The following CNTN6 variants were observed in gnomAD, a reference collection of about 807,000 sequenced individuals.
CNTN6 encodes the protein contactin 6.
A neutral mutation model predicts 122.8 loss-of-function variants in CNTN6; 137 were observed. That is an observed-to-expected ratio of 1.12 (90% CI 0.97 to 1.29). The LOEUF is 1.29. CNTN6 is among the 50% of genes most tolerant of loss of function. CNTN6 has a pLI of 0.00. For synonymous variants in CNTN6, 570 were observed against 426.0 expected (o/e 1.34, Z -4.16); for missense variants, 1,634 against 1,223.4 (o/e 1.34, Z -5.01).
chr3:1,247,096 G>A (rs561854363), intron 4 of CNTN6, among the ~76,000 whole-genome samples: 2 of 151,998 alleles, frequency 1.3e-5, no homozygotes, highest in Admixed American at 6.6e-5. Flanking sequence ...CCTTCCTTGC[G>A]ATCATATTTT....
chr3:1,210,475 TTAAG>T (rs1263096899), intron 2 of CNTN6, among the ~76,000 whole-genome samples: 2 of 151,924 alleles, frequency 1.3e-5, no homozygotes, highest in Non-Finnish European at 2.9e-5. Context: ...AAGAAAGATA[TTAAG>T]TGAGTTTAGT....
intron 2 of CNTN6, among the ~76,000 whole-genome samples, chr3:1,219,165 C>A (rs2094170434): frequency 6.6e-6 from 1 of 152,126 alleles, no homozygotes; most frequent in African/African-American, 2.4e-5. Context: ...AAATCCCTAG[C>A]CACAAAACAC....
At chr3:1,188,801 G>A (rs2093662431) in intron 2 of CNTN6, among the ~76,000 whole-genome samples, 1 of 152,204 alleles carries the variant, frequency 6.6e-6, no homozygotes, top group Non-Finnish European at 1.5e-5. Flanking sequence ...AATATGATAT[G>A]AAATTGTTAC....
chr3:1,376,261 A>G (rs1159690202), intron 16 of CNTN6, among the ~76,000 whole-genome samples: 1 of 152,122 alleles, frequency 6.6e-6, no homozygotes, highest in African/African-American at 2.4e-5. Context: ...CCTCAGTTTT[A>G]CAGTTTCTAT....
intron 1 of CNTN6, among the ~76,000 whole-genome samples, chr3:1,106,345 C>T (rs2124993067): frequency 6.6e-6 from 1 of 152,158 alleles, no homozygotes; most frequent in East Asian, 1.9e-4. Context: ...CTTGCATTTA[C>T]GTTGCCATAA....
intron 12 of CNTN6, among the ~76,000 whole-genome samples, chr3:1,371,773 C>T (rs1316740361): frequency 1.3e-5 from 2 of 152,116 alleles, no homozygotes; most frequent in African/African-American, 4.8e-5. Context: ...ATTCATGTTG[C>T]ATCTTTAACA....
intron 3 of CNTN6, 41 bp from the exon 4 acceptor site, chr3:1,227,777 C>T: frequency 1.9e-6 from 3 of 1,588,076 alleles, no homozygotes; most frequent in Non-Finnish European, 2.6e-6. Context: ...GATTGATTGA[C>T]TCTGTATATT....
chr3:1,095,250 A>G (rs894188638), intron 1 of CNTN6, among the ~76,000 whole-genome samples: 64 of 152,194 alleles, frequency 4.2e-4, no homozygotes, highest in African/African-American at 1.4e-3. Context: ...AGGCGGGCGG[A>G]TCACGAGGTC....
intron 6 of CNTN6, among the ~76,000 whole-genome samples, chr3:1,296,393 T>C (rs901431879): frequency 1.3e-5 from 2 of 152,178 alleles, no homozygotes; most frequent in Admixed American, 6.5e-5. Flanking sequence ...TGACGAGCTT[T>C]GTAGCTTAGT....
intron 12 of CNTN6, among the ~76,000 whole-genome samples, chr3:1,362,368 T>C (rs184387207): frequency 1.2e-4 from 18 of 152,206 alleles, no homozygotes; most frequent in African/African-American, 3.8e-4. Flanking sequence ...GATAGAAATA[T>C]TGAAGTTCTC....
At chr3:1,186,797 G>A (rs1421745112) in intron 2 of CNTN6, among the ~76,000 whole-genome samples, 3 of 151,300 alleles carry the variant, frequency 2.0e-5, no homozygotes, top group Non-Finnish European at 4.4e-5. Context: ...AAGTCGCTTG[G>A]TCCCATTCTT....
intron 2 of CNTN6, among the ~76,000 whole-genome samples, chr3:1,211,592 G>A (rs1309969058): frequency 1.3e-5 from 2 of 151,992 alleles, no homozygotes; most frequent in African/African-American, 2.4e-5. Flanking sequence ...AAAATTCAGG[G>A]AATAAAGCCT....
At chr3:1,249,529 C>T (rs968258182) in intron 4 of CNTN6, among the ~76,000 whole-genome samples, 1 of 152,186 alleles carries the variant, frequency 6.6e-6, no homozygotes, top group African/African-American at 2.4e-5. Context: ...TACTATCCTC[C>T]TAGGCAGTGT....
At chr3:1,393,446 T>C (rs1174022019) in intron 20 of CNTN6, among the ~76,000 whole-genome samples, 1 of 138,174 alleles carries the variant, frequency 7.2e-6, no homozygotes, top group Non-Finnish European at 1.5e-5. Flanking sequence ...TTGGGAGATA[T>C]ACCTAATGCT....
chr3:1,400,818 G>A (rs946175526), intron 20 of CNTN6, among the ~76,000 whole-genome samples: 3 of 152,110 alleles, frequency 2.0e-5, no homozygotes, highest in African/African-American at 7.2e-5. Flanking sequence ...CTGGCAAGAT[G>A]AGTATACAGC....
intron 4 of CNTN6, among the ~76,000 whole-genome samples, chr3:1,264,261 C>T (rs748191732): frequency 5.3e-5 from 8 of 152,108 alleles, no homozygotes; most frequent in South Asian, 2.1e-4. Context: ...TGTGGAAAGG[C>T]GCTGATACAA....
Position 1,153,620 on chromosome 3 carries a change from T to G in CNTN6, c.55+5557T>G, listed in dbSNP as rs1478898360. On this transcript the variant is annotated intron_variant, in intron 2 of 22. Coordinates refer to ENST00000446702, the MANE Select transcript of CNTN6 (RefSeq NM_001289080.2). ...ATCTGGGAGAAACTGTCACTCTTTC[T>G]AAATACTCACAGTCAGGCACCTAGG... Among the ~76,000 whole-genome samples the G allele has an allele frequency of 6.6e-5, 10 of 152,186 alleles. No individual in the cohort carries two copies. The South Asian group carries it at 8.3e-4, about 13-fold the overall frequency.
At chr3:1,293,637 G>T (rs950528080) in intron 5 of CNTN6, among the ~76,000 whole-genome samples, 1 of 152,036 alleles carries the variant, frequency 6.6e-6, no homozygotes, top group African/African-American at 2.4e-5. Flanking sequence ...TGGACAAGAG[G>T]CTCCAAGATG....
intron 11 of CNTN6, among the ~76,000 whole-genome samples, chr3:1,337,032 T>C (rs1703173709): frequency 6.6e-6 from 1 of 152,172 alleles, no homozygotes; most frequent in African/African-American, 2.4e-5. Flanking sequence ...ACTGGATCTT[T>C]CTTTTCTTCA....
Sources: allele counts gnomAD v4.1 joint callset (sites outside exome capture counted in the v4.1 genomes callset), GRCh38; gene constraint gnomAD v4.1.1; transcripts MANE v1.5; gene names NCBI Gene and HGNC (gene_info 2026-07-23, HGNC 2026-07-21).